The following CAMK4 variants were observed in gnomAD, a reference collection of about 807,000 sequenced individuals.
The protein encoded by CAMK4 is calcium/calmodulin-dependent protein kinase type IV.
Under a neutral mutation model 44.9 loss-of-function variants are expected in CAMK4, and 22 were observed. The observed-to-expected ratio is 0.49, with a 90% CI of 0.35 to 0.70. The LOEUF (loss-of-function observed/expected upper bound fraction) is 0.70, where lower values mean the gene tolerates loss of function less well. CAMK4 is among the 30% of genes least tolerant of loss of function. The pLI is 0.01. For missense variants in CAMK4, 498 were observed against 586.8 expected, an observed-to-expected ratio of 0.85 and a Z score of 1.56; for synonymous variants, 218 against 215.4, an observed-to-expected ratio of 1.01 and a Z score of -0.11.
intron 1 of CAMK4, among the ~76,000 whole-genome samples, chr5:111,246,403 A>G (rs1206952073): frequency 2.6e-5 from 4 of 152,246 alleles, no homozygotes; most frequent in African/African-American, 9.6e-5. Flanking sequence ...ATACTGAAGC[A>G]CCAAAAGAAA....
chr5:111,250,309 TC>T (rs1343769900), intron 1 of CAMK4, among the ~76,000 whole-genome samples: 1 of 152,162 alleles, frequency 6.6e-6, no homozygotes, highest in Non-Finnish European at 1.5e-5. Flanking sequence ...AGGGAGAGAA[TC>T]ATGTTGCTTT....
intron 5 of CAMK4, among the ~76,000 whole-genome samples, 173 bp downstream of exon 5, chr5:111,394,955 TC>T (rs1291925941): frequency 6.6e-6 from 1 of 152,094 alleles, no homozygotes; most frequent in Non-Finnish European, 1.5e-5. Flanking sequence ...AAGCCTGTAA[TC>T]TCAGCACTTT....
At chr5:111,432,156 T>C (rs1753471437) in intron 5 of CAMK4, among the ~76,000 whole-genome samples, 1 of 152,146 alleles carries the variant, frequency 6.6e-6, no homozygotes, top group South Asian at 2.1e-4. Context: ...ATATACACAA[T>C]GGAGTACTAC....
chr5:111,485,656 A>G lies in CAMK4; in HGVS notation c.*1190A>G, dbSNP rs555720154. Reference sequence around the variant, plus strand: ...CACATTTTACAATGTAGTGTTGAGAATGTGGCTGCCAATAAATTTAGCACA... The same window carrying G: ...CACATTTTACAATGTAGTGTTGAGAGTGTGGCTGCCAATAAATTTAGCACA... On this transcript the variant is annotated 3_prime_UTR_variant, in exon 11 of 11. Transcript: ENST00000282356. 39 of 152,320 alleles carry G rather than the reference A, an allele frequency of 2.6e-4. No homozygotes were observed. The highest frequency in any genetic ancestry group is 7.9e-4 in the African/African-American group (33 of 41,588). 9.4% of individuals were successfully genotyped at this position (152,320 alleles called of 1,614,324 possible).
intron 7 of CAMK4, among the ~76,000 whole-genome samples, chr5:111,460,364 C>T (rs997815901): frequency 6.6e-6 from 1 of 150,698 alleles, no homozygotes; most frequent in African/African-American, 2.4e-5. Flanking sequence ...CTCCACCTCC[C>T]AGGTTCAAGC....
At chr5:111,229,409 A>T (rs1748355399) in intron 1 of CAMK4, among the ~76,000 whole-genome samples, 1 of 152,210 alleles carries the variant, frequency 6.6e-6, no homozygotes, top group African/African-American at 2.4e-5. Flanking sequence ...GTTTAGCTGC[A>T]TAACCTCATA....
intron 2 of CAMK4, chr5:111,365,233 C>T (rs966236707): frequency 1.3e-5 from 2 of 151,982 alleles, no homozygotes; most frequent in Non-Finnish European, 2.9e-5. Context: ...ACTAGTGGAC[C>T]ATAGAATCTA....
rs1200874099 is a variant in CAMK4 at position 111,488,749 on chromosome 5, G to T, written c.*4283G>T. 6.6e-6 allele frequency: 1 copy of T among 152,076 alleles called. No homozygotes were observed. Among genetic ancestry groups the T allele is most frequent in the African/African-American group, 2.4e-5 (1 of 41,412 alleles). 9.4% of individuals were successfully genotyped at this position (152,076 alleles called of 1,614,324 possible). On this transcript the variant is annotated 3_prime_UTR_variant, in exon 11 of 11. Coordinates refer to ENST00000282356, the MANE Select transcript of CAMK4 (RefSeq NM_001744.6). ...TGCAAAGCAAATTTTTTTAAAAAAA[G>T]GTCAACAAAGTGAATCAGCACTAGC...
At chr5:111,451,779 G>T (rs906891633) in intron 7 of CAMK4, among the ~76,000 whole-genome samples, 2 of 152,052 alleles carry the variant, frequency 1.3e-5, no homozygotes, top group Non-Finnish European at 2.9e-5. Context: ...TGTACCTGTT[G>T]TCCTAGTTAC....
At chr5:111,320,905 C>T (rs1193828523) in intron 1 of CAMK4, among the ~76,000 whole-genome samples, 3 of 152,202 alleles carry the variant, frequency 2.0e-5, no homozygotes, top group Non-Finnish European at 4.4e-5. Flanking sequence ...TGGGCTGTCA[C>T]AGTTAAATTG....
chr5:111,348,518 T>C (rs1202730256), intron 2 of CAMK4, among the ~76,000 whole-genome samples: 1 of 152,030 alleles, frequency 6.6e-6, no homozygotes, highest in African/African-American at 2.4e-5. Flanking sequence ...ATTTTATAAA[T>C]GGGTATAACA....
chr5:111,232,127 C>T (rs147871150), intron 1 of CAMK4, among the ~76,000 whole-genome samples: 6 of 152,186 alleles, frequency 3.9e-5, no homozygotes, highest in East Asian at 1.9e-4. Flanking sequence ...CTGACCTAGA[C>T]GATGTATGCT....
At chr5:111,260,980 T>C (rs959361715) in intron 1 of CAMK4, among the ~76,000 whole-genome samples, 3 of 152,198 alleles carry the variant, frequency 2.0e-5, no homozygotes, top group African/African-American at 7.2e-5. Context: ...TACAATCTGC[T>C]CTCACCCTAC....
At chr5:111,432,786 C>G (rs897329558) in intron 5 of CAMK4, among the ~76,000 whole-genome samples, 2 of 151,566 alleles carry the variant, frequency 1.3e-5, no homozygotes, top group Non-Finnish European at 2.9e-5. Context: ...TTGATATATA[C>G]CAGAGATACT....
At chr5:111,436,630 G>A (rs963614861) in intron 5 of CAMK4, among the ~76,000 whole-genome samples, 2 of 152,130 alleles carry the variant, frequency 1.3e-5, no homozygotes, top group African/African-American at 4.8e-5. Flanking sequence ...TCTCACTACT[G>A]GAGTCTAACA....
intron 1 of CAMK4, among the ~76,000 whole-genome samples, chr5:111,342,227 C>A (rs1208755841): frequency 1.3e-5 from 2 of 151,148 alleles, no homozygotes; most frequent in Non-Finnish European, 3.0e-5. Context: ...ATTGAAGTTT[C>A]CAAGTGTATT....
chr5:111,259,790 T>C (rs890145433), intron 1 of CAMK4, among the ~76,000 whole-genome samples: 12 of 152,176 alleles, frequency 7.9e-5, no homozygotes, highest in Non-Finnish European at 1.6e-4. Flanking sequence ...CTGTGACTCA[T>C]TTAAGAGTGA....
At chr5:111,471,005 G>A (rs1251216337) in intron 7 of CAMK4, among the ~76,000 whole-genome samples, 2 of 152,166 alleles carry the variant, frequency 1.3e-5, no homozygotes, top group Admixed American at 1.3e-4. Flanking sequence ...CTTTTGCTTA[G>A]CCTGGACCAC....
intron 1 of CAMK4, chr5:111,283,176 A>C (rs191030082): frequency 1.3e-5 from 2 of 152,368 alleles, no homozygotes; most frequent in East Asian, 3.8e-4. Context: ...ATAAAGATCT[A>C]TCATATTTGA....
Sources: allele counts gnomAD v4.1 joint callset (sites outside exome capture counted in the v4.1 genomes callset), GRCh38; gene constraint gnomAD v4.1.1; transcripts MANE v1.5; gene names NCBI Gene and HGNC (gene_info 2026-07-23, HGNC 2026-07-21).